CCDC171: variants seen among roughly 807,000 people sequenced by gnomAD.
CCDC171 encodes coiled-coil domain containing 171, also known as coiled-coil domain-containing protein 171.
CCDC171 carries 177 observed loss-of-function variants against 168.2 expected under a neutral mutation model. The observed-to-expected ratio is 1.05, with a 90% confidence interval of 0.93 to 1.19. CCDC171 has a LOEUF of 1.19. CCDC171 is among the 50% of genes most tolerant of loss of function. The pLI is 0.00. For missense variants in CCDC171, 1,991 were observed against 1,539.0 expected (o/e 1.29, Z -4.91); for synonymous variants, 687 against 540.8 (o/e 1.27, Z -3.75).
intron 8 of CCDC171, among the ~76,000 whole-genome samples, chr9:15,657,601 G>A (rs2048033946): frequency 6.6e-6 from 1 of 152,106 alleles, no homozygotes; most frequent in African/African-American, 2.4e-5. Context: ...GAAAAAATGT[G>A]CATGTTATTT....
intron 21 of CCDC171, among the ~76,000 whole-genome samples, chr9:15,810,735 C>T (rs1057141387): frequency 6.6e-6 from 1 of 152,198 alleles, no homozygotes; most frequent in Non-Finnish European, 1.5e-5. Flanking sequence ...CCGGAACTCG[C>T]GCTGCCCTGT....
chr9:15,693,840 C>G (rs954186514), intron 10 of CCDC171, among the ~76,000 whole-genome samples: 2 of 152,156 alleles, frequency 1.3e-5, no homozygotes, highest in Non-Finnish European at 2.9e-5. Context: ...TCCCTCCTTT[C>G]CAACTACTGC....
the CCDC171 span, among the ~76,000 whole-genome samples, chr9:16,078,321 C>T: frequency 2.0e-5 from 3 of 152,168 alleles, no homozygotes; most frequent in African/African-American, 7.2e-5. Flanking sequence ...TGCTGAGGCA[C>T]GGCAGGGAGA....
chr9:15,723,291 C>G (rs921486153), intron 12 of CCDC171, among the ~76,000 whole-genome samples: 17 of 152,168 alleles, frequency 1.1e-4, no homozygotes, highest in Admixed American at 8.5e-4. Flanking sequence ...AAAGAACAGT[C>G]TTCTGCTCTG....
intron 21 of CCDC171, among the ~76,000 whole-genome samples, chr9:15,830,800 C>T (rs1465718243): frequency 6.6e-6 from 1 of 152,054 alleles, no homozygotes; most frequent in African/African-American, 2.4e-5. Context: ...TGGTTAGAAT[C>T]TTAATTGCTT....
the CCDC171 span, among the ~76,000 whole-genome samples, chr9:16,076,844 G>C: frequency 6.6e-6 from 1 of 152,196 alleles, no homozygotes; most frequent in Non-Finnish European, 1.5e-5. Context: ...GGCCTGCAAA[G>C]ACAGACTTGT....
chr9:15,820,189 C>A lies in CCDC171; in HGVS notation c.3268-26513C>A, dbSNP rs2059711781. On this transcript the variant is annotated intron_variant, in intron 21 of 25. Coordinates refer to ENST00000380701, the MANE Select transcript of CCDC171 (RefSeq NM_173550.4). Reference sequence around the variant, plus strand: ...CAGAATCTCTGGGACACATTCAAAGCAGTGTGTAGAGGGAAATTTTTAGCA... The same window carrying A: ...CAGAATCTCTGGGACACATTCAAAGAAGTGTGTAGAGGGAAATTTTTAGCA... 1.7e-5 allele frequency among the ~76,000 whole-genome samples: 2 copies of A among 114,426 alleles called. 1 individual carries two copies. 75.1% of individuals were successfully genotyped at this position (114,426 alleles called of 152,430 possible). A position where few individuals can be genotyped will look rare whatever the true frequency, so the allele number is the denominator to read the frequency against.
At chr9:15,558,115 T>C (rs2038965990) in intron 1 of CCDC171, among the ~76,000 whole-genome samples, 1 of 152,196 alleles carries the variant, frequency 6.6e-6, no homozygotes. Flanking sequence ...ATAAGCTTTT[T>C]GATGTGCTGC....
intron 18 of CCDC171, among the ~76,000 whole-genome samples, chr9:15,757,669 C>T (rs915034256): frequency 3.3e-5 from 5 of 152,192 alleles, no homozygotes; most frequent in African/African-American, 1.2e-4. Context: ...TTCACGGAAG[C>T]CCTTCCCATC....
chr9:15,822,435 C>T (rs914476434), intron 21 of CCDC171, among the ~76,000 whole-genome samples: 3 of 151,862 alleles, frequency 2.0e-5, no homozygotes, highest in Non-Finnish European at 2.9e-5. Context: ...ACCTACTCAT[C>T]TGACAAAGGG....
chr9:16,016,708 G>A (rs1388023243), intron 3 of CCDC171, among the ~76,000 whole-genome samples: 2 of 152,174 alleles, frequency 1.3e-5, no homozygotes, highest in South Asian at 4.1e-4. Context: ...GTTGCCACTT[G>A]GGTCTGCAGA....
chr9:16,101,715 G>T, the CCDC171 span, among the ~76,000 whole-genome samples: 1 of 152,210 alleles, frequency 6.6e-6, no homozygotes, highest in Non-Finnish European at 1.5e-5. Flanking sequence ...GCTGTGTTGT[G>T]GAGAAGGCCA....
intron 21 of CCDC171, among the ~76,000 whole-genome samples, chr9:15,796,677 G>A (rs906405101): frequency 1.3e-5 from 2 of 152,158 alleles, no homozygotes; most frequent in Non-Finnish European, 2.9e-5. Flanking sequence ...GTGCAAGATG[G>A]GCCAAGTCAG....
At chr9:15,848,977 AT>A (rs1563865176) in intron 23 of CCDC171, 30 bp downstream of exon 23, 2 of 1,233,208 alleles carry the variant, frequency 1.6e-6, no homozygotes, top group Non-Finnish European at 2.3e-6. Flanking sequence ...ATATTGTTCA[AT>A]TTGTGTCATG....
At chr9:16,011,581 A>G (rs1263266626) in intron 3 of CCDC171, among the ~76,000 whole-genome samples, 1 of 152,142 alleles carries the variant, frequency 6.6e-6, no homozygotes, top group Non-Finnish European at 1.5e-5. Flanking sequence ...GAATGTGCAT[A>G]CTTTTTAGTG....
At position 15,670,283 on chromosome 9, in the gene CCDC171, A is replaced by G. The variant is rs1425069455; in HGVS notation, c.1076+3960A>G. Among the ~76,000 whole-genome samples, 7 of 152,280 alleles carry G rather than the reference A, an allele frequency of 4.6e-5. No individual in the cohort carries two copies. In the East Asian group the frequency reaches 1.3e-3, roughly 29 times the overall value. On this transcript the variant is annotated intron_variant, in intron 9 of 25. Transcript: ENST00000380701. ...GTACCAAAAAAAAAGCTGTGTGTGT[A>G]TTGTGTGTGTAATGACAGATGCACT...
At chr9:15,682,408 CT>C (rs1168498286) in intron 10 of CCDC171, among the ~76,000 whole-genome samples, 1 of 151,764 alleles carries the variant, frequency 6.6e-6, no homozygotes, top group Non-Finnish European at 1.5e-5. Flanking sequence ...AGTATGTTGT[CT>C]TTTGGGGGTA....
intron 25 of CCDC171, chr9:15,922,307 G>A (rs914524198): frequency 2.9e-5 from 5 of 175,436 alleles, no homozygotes; most frequent in African/African-American, 4.7e-5. Context: ...TAATAAACTT[G>A]TGTGATGGTT....
chr9:16,097,965 G>A, the CCDC171 span, among the ~76,000 whole-genome samples: 1 of 152,194 alleles, frequency 6.6e-6, no homozygotes, highest in Non-Finnish European at 1.5e-5. Context: ...TTCATGTTAG[G>A]AAATGTTATA....
Sources: gnomAD v4.1 joint callset for allele counts (sites outside exome capture counted in the v4.1 genomes callset) on GRCh38, gnomAD v4.1.1 for gene constraint, MANE v1.5 for transcripts, NCBI Gene and HGNC (gene_info 2026-07-23, HGNC 2026-07-21) for gene names.